Variants in AGO2 observed in about 807,000 individuals in gnomAD.
The protein encoded by AGO2 is protein argonaute-2.
Under a neutral mutation model 102.3 loss-of-function variants are expected in AGO2, and 5 were observed. The ratio of observed to expected loss-of-function variants is 0.05; its 90% confidence interval spans 0.03 to 0.10. The LOEUF (loss-of-function observed/expected upper bound fraction) is 0.10. Ranked by LOEUF, AGO2 falls within the 10% of genes least tolerant of loss-of-function variation. The pLI is 1.00. For synonymous variants in AGO2, 449 were observed against 473.1 expected (o/e 0.95, Z 0.66); for missense variants, 541 against 1,183.7 (o/e 0.46, Z 7.97).
intron 12 of AGO2, among the ~76,000 whole-genome samples, chr8:140,548,649 A>T (rs150423236): frequency 6.6e-6 from 1 of 152,266 alleles, no homozygotes; most frequent in Non-Finnish European, 1.5e-5. Context: ...CATGTCAATA[A>T]TCTGTCTGTG....
Position 140,585,361 on chromosome 8 carries a change from C to A in AGO2, c.23-50G>T, listed in dbSNP as rs369738966. The stretch of plus-strand genomic sequence containing the variant: ...TTAACGGGGGAGCAGGCTTGCTCTG[C>A]GGCCCTTCCCATCCCGCGGCCCCAA... On this transcript the variant is annotated intron_variant, in intron 1 of 18. Coordinates refer to ENST00000220592, the MANE Select transcript of AGO2 (RefSeq NM_012154.5). 3.8e-6 allele frequency: 6 copies of A among 1,579,314 alleles called. No individual in the cohort carries two copies. The African/African-American group carries it at 4.0e-5, about 11-fold the overall frequency.
chr8:140,615,872 A>G (rs551117021), intron 1 of AGO2, among the ~76,000 whole-genome samples: 1 of 152,362 alleles, frequency 6.6e-6, no homozygotes, highest in East Asian at 1.9e-4. Flanking sequence ...AACTTTGACA[A>G]TATCCAAGCA....
intron 14 of AGO2, 67 bp from the exon 15 acceptor site, chr8:140,541,425 G>T (rs1308800346): frequency 7.0e-7 from 1 of 1,421,940 alleles, no homozygotes; most frequent in South Asian, 1.4e-5. Flanking sequence ...CATGTGCCTG[G>T]ACTCTCGGGA....
At chr8:140,562,769 C>A in intron 3 of AGO2, 135 bp from the exon 4 acceptor site, 2 of 932,136 alleles carry the variant, frequency 2.1e-6, no homozygotes, top group Non-Finnish European at 3.2e-6. Flanking sequence ...CCACTAGCCA[C>A]ATGTGGCTAT....
intron 1 of AGO2, among the ~76,000 whole-genome samples, chr8:140,603,776 C>A (rs1164260171): frequency 6.6e-6 from 1 of 152,250 alleles, no homozygotes; most frequent in Non-Finnish European, 1.5e-5. Context: ...GCGGACTGGG[C>A]TGGGGGCCTC....
At position 140,557,346 on chromosome 8, in the gene AGO2, A is replaced by G; in HGVS notation, c.879-110T>C. On this transcript the variant is annotated intron_variant, in intron 7 of 18. Coordinates refer to ENST00000220592, the MANE Select transcript of AGO2 (RefSeq NM_012154.5). The surrounding 1 kb of genome is among the most constrained non-coding windows in gnomAD (Gnocchi z 5.9). Reference sequence around the variant, plus strand: ...GGTGACGTGTGAGGAGCAAACATTCAGAGCACTTCCGGGAGTGAAAACCAT... The same window carrying G: ...GGTGACGTGTGAGGAGCAAACATTCGGAGCACTTCCGGGAGTGAAAACCAT... 1 of 1,344,070 alleles carries G rather than the reference A, an allele frequency of 7.4e-7. No homozygotes were observed. The allele number at this position is 1,344,070 out of a possible 1,614,324, so 83.3% of individuals were successfully genotyped here. A position where few individuals can be genotyped will look rare whatever the true frequency, so the allele number is the denominator to read the frequency against.
intron 1 of AGO2, among the ~76,000 whole-genome samples, chr8:140,608,862 G>A (rs907329393): frequency 6.6e-6 from 1 of 152,342 alleles, no homozygotes; most frequent in Admixed American, 6.5e-5. Flanking sequence ...AATCAGCCCC[G>A]CGGGGTGATG....
chr8:140,612,824 T>A (rs962554451), intron 1 of AGO2, among the ~76,000 whole-genome samples: 5 of 151,976 alleles, frequency 3.3e-5, no homozygotes, highest in African/African-American at 9.7e-5. Flanking sequence ...CATAATTATC[T>A]GAAAAGGCTA....
rs1278862347 is a variant in AGO2, at chr8:140,524,723, A to G, written c.*7321T>C. ...ACCACCAGCTTCTTGGGACAGAGGG[A>G]CCTGCCGTCTCCCACCCAAGACTGC... On this transcript the variant is annotated 3_prime_UTR_variant, in exon 19 of 19. Coordinates refer to ENST00000220592, the MANE Select transcript of AGO2 (RefSeq NM_012154.5). 6.6e-6 allele frequency: 1 copy of G among 152,358 alleles called. No individual in the cohort carries two copies. The highest frequency in any genetic ancestry group is 1.5e-5 in the Non-Finnish European group (1 of 68,216). The allele number at this position is 152,358 out of a possible 1,614,324, so 9.4% of individuals were successfully genotyped here.
chr8:140,588,103 G>A (rs1251801234), intron 1 of AGO2, among the ~76,000 whole-genome samples: 1 of 152,130 alleles, frequency 6.6e-6, no homozygotes, highest in East Asian at 1.9e-4. Context: ...CACCCCATGG[G>A]CACCTCCTCC....
In AGO2 at chr8:140,525,563, A is replaced by C. The variant is rs1294808415; in HGVS notation, c.*6481T>G. The C allele has an allele frequency of 1.3e-5, 2 of 152,284 alleles. No individual in the cohort carries two copies. Among genetic ancestry groups the C allele is most frequent in the African/African-American group, 4.8e-5 (2 of 41,462 alleles). 9.4% of individuals were successfully genotyped at this position (152,284 alleles called of 1,614,324 possible). A position where few individuals can be genotyped will look rare whatever the true frequency, so the allele number is the denominator to read the frequency against. On this transcript the variant is annotated 3_prime_UTR_variant, in exon 19 of 19. Transcript: ENST00000220592. The stretch of plus-strand genomic sequence containing the variant: ...AAGCACGCAACGCAGCATAAAAAGC[A>C]TCGAAACCCCAAACAGCAGAGTGTT...
rs551240078 is a variant in AGO2 at position 140,540,888 on chromosome 8, C to T, written c.2034+276G>A. The stretch of plus-strand genomic sequence containing the variant: ...GATGGAGCTCTGCTCTGCAAGTCAG[C>T]GGAACTCAAGCGTCTCTCCCCCATC... On this transcript the variant is annotated intron_variant, in intron 15 of 18. Coordinates refer to ENST00000220592, the MANE Select transcript of AGO2 (RefSeq NM_012154.5). The surrounding 1 kb of genome is among the most constrained non-coding windows in gnomAD (Gnocchi z 5.0). Among the ~76,000 whole-genome samples, 10 of 152,280 alleles carry T rather than the reference C, an allele frequency of 6.6e-5. No homozygotes were observed. The East Asian group carries it at 1.2e-3, about 18-fold the overall frequency.
At chr8:140,556,956 G>A (rs780851786) in intron 8 of AGO2, 133 bp downstream of exon 8, 50 of 1,305,656 alleles carry the variant, frequency 3.8e-5, no homozygotes, top group Middle Eastern at 2.7e-4. Context: ...TAACCCACCC[G>A]CATTCCTGCA....
chr8:140,629,959 C>G (rs2074322547), intron 1 of AGO2, among the ~76,000 whole-genome samples: 1 of 151,628 alleles, frequency 6.6e-6, no homozygotes, highest in African/African-American at 2.4e-5. Flanking sequence ...GGTGGGGCTT[C>G]CAGTTCCTGA....
At chr8:140,560,066 C>G (rs960630175) in intron 5 of AGO2, among the ~76,000 whole-genome samples, 6 of 152,230 alleles carry the variant, frequency 3.9e-5, no homozygotes, top group Admixed American at 3.9e-4. Context: ...CAGGCCACAC[C>G]CAGGCTACAG....
intron 1 of AGO2, among the ~76,000 whole-genome samples, chr8:140,618,309 G>C (rs1405591441): frequency 6.7e-6 from 1 of 148,864 alleles, no homozygotes. Context: ...AACAGAGCAA[G>C]ACTCCGTCTC....
intron 2 of AGO2, among the ~76,000 whole-genome samples, chr8:140,578,824 C>T (rs373964962): frequency 4.1e-4 from 62 of 152,360 alleles, no homozygotes; most frequent in African/African-American, 1.4e-3. Flanking sequence ...CGCACGGGGC[C>T]GGGGCCGCCT....
chr8:140,537,101 T>C (rs996944445), intron 16 of AGO2, among the ~76,000 whole-genome samples: 3 of 152,240 alleles, frequency 2.0e-5, no homozygotes, highest in Admixed American at 6.5e-5. Flanking sequence ...GTTGAAAACA[T>C]TCTTCCACTT....
chr8:140,536,081 G>A (rs983656734), intron 16 of AGO2, among the ~76,000 whole-genome samples: 3 of 152,170 alleles, frequency 2.0e-5, no homozygotes, highest in Non-Finnish European at 4.4e-5. Context: ...AGAGCAGGGC[G>A]GCTCCATCAG....
Sources: gnomAD v4.1 joint callset for allele counts (sites outside exome capture counted in the v4.1 genomes callset) on GRCh38, gnomAD v4.1.1 for gene constraint, Gnocchi (gnomAD v3.1) non-coding constraint, MANE v1.5 for transcripts, NCBI Gene and HGNC (gene_info 2026-07-23, HGNC 2026-07-21) for gene names.